ATG16L2: variants seen among roughly 807,000 people sequenced by gnomAD.
ATG16L2 encodes the protein autophagy related 16 like 2, also known as protein Atg16l2.
ATG16L2 carries 77 observed loss-of-function variants against 84.7 expected under a neutral mutation model. That is an observed-to-expected ratio of 0.91 (90% confidence interval 0.76 to 1.10). The LOEUF is 1.10. ATG16L2 is among the 50% of genes least tolerant of loss of function. The probability of loss-of-function intolerance (pLI) is 0.00; values close to 1 mark genes in which losing one functional copy is unlikely to be tolerated. For missense variants in ATG16L2, 782 were observed against 817.6 expected, an observed-to-expected ratio of 0.96 and a Z score of 0.53; for synonymous variants, 361 against 342.8, an observed-to-expected ratio of 1.05 and a Z score of -0.59.
rs781407047 is a variant in ATG16L2, at chr11:72,828,317, G to A, written c.1473-42G>A. On this transcript the variant is annotated intron_variant, in intron 14 of 17. Transcript: ENST00000321297. The stretch of plus-strand genomic sequence containing the variant: ...GCCCCTTCCTGTCAGGAGTGGCCTG[G>A]CTAGGCTGTTCCTCATCCCTGTCTC... 5.6e-6 allele frequency: 9 copies of A among 1,611,250 alleles called. No individual in the cohort carries two copies. In the Admixed American group the frequency reaches 1.5e-4, roughly 27 times the overall value.
intron 2 of ATG16L2, among the ~76,000 whole-genome samples, chr11:72,817,365 C>T (rs1405915329): frequency 5.3e-5 from 8 of 152,034 alleles, no homozygotes; most frequent in Non-Finnish European, 7.4e-5. Flanking sequence ...CCTCCTGGAA[C>T]GTGCACCACC....
intron 13 of ATG16L2, 123 bp from the exon 14 acceptor site, chr11:72,827,065 G>C: frequency 1.1e-6 from 1 of 870,446 alleles, no homozygotes; most frequent in Non-Finnish European, 1.8e-6. Flanking sequence ...CTGGGAAGCG[G>C]AAGACCTGGG....
chr11:72,824,522 T>G, intron 8 of ATG16L2: 1 of 592,282 alleles, frequency 1.7e-6, no homozygotes, highest in Non-Finnish European at 3.0e-6. Context: ...CCTACCCTGC[T>G]CCTGTGTCTG....
At chr11:72,823,411 A>G (rs1350537625) in intron 7 of ATG16L2, 4 of 325,812 alleles carry the variant, frequency 1.2e-5, no homozygotes, top group South Asian at 4.8e-5. Flanking sequence ...ATGTGTGCTC[A>G]CACTTGTGGG....
At chr11:72,829,184 G>A in intron 17 of ATG16L2, 119 bp from the exon 18 acceptor site, 2 of 1,219,614 alleles carry the variant, frequency 1.6e-6, no homozygotes, top group Non-Finnish European at 2.3e-6. Flanking sequence ...TAACTTGACA[G>A]ATGAGGAAAC....
intron 2 of ATG16L2, 48 bp downstream of exon 2, chr11:72,816,875 C>G: frequency 1.3e-6 from 2 of 1,493,388 alleles, no homozygotes; most frequent in Non-Finnish European, 1.9e-6. Flanking sequence ...TGTGCTGGGG[C>G]CCTGCCCCTG....
chr11:72,826,275 G>A lies in ATG16L2; in HGVS notation c.1173+32G>A, dbSNP rs369064624. The A allele has an allele frequency of 1.9e-5, 30 of 1,608,154 alleles. No individual in the cohort carries two copies. The East Asian group carries it at 3.1e-4, about 17-fold the overall frequency. Reference sequence around the variant, plus strand: ...AACTCTGCCCCAGTGGCATGGGATTGTGCCCTCTCTGATCTCCACACTGGG... The same window carrying A: ...AACTCTGCCCCAGTGGCATGGGATTATGCCCTCTCTGATCTCCACACTGGG... On this transcript the variant is annotated intron_variant, in intron 11 of 17. Coordinates refer to ENST00000321297, the MANE Select transcript of ATG16L2 (RefSeq NM_033388.2).
At chr11:72,824,443 TCA>T (rs1253353498) in intron 8 of ATG16L2, 271 of 560,266 alleles carry the variant, frequency 4.8e-4, no homozygotes, top group East Asian at 2.4e-3. Flanking sequence ...TCATTCAGAG[TCA>T]CAGAGCCAAG....
At chr11:72,827,939 A>C (rs56071001) in intron 14 of ATG16L2, among the ~76,000 whole-genome samples, 9,645 of 152,088 alleles carry the variant, frequency 0.063, 453 homozygotes, top group African/African-American at 0.14. Flanking sequence ...CAAAACAAAA[A>C]CAAAACCAAA....
At chr11:72,823,097 C>T in intron 7 of ATG16L2, 136 bp downstream of exon 7, 1 of 631,482 alleles carries the variant, frequency 1.6e-6, no homozygotes, top group South Asian at 2.0e-5. Context: ...GCTCAGATCT[C>T]CCAGGGCTAG....
At chr11:72,816,894 GC>G in intron 2 of ATG16L2, 67 bp downstream of exon 2, 1 of 1,386,622 alleles carries the variant, frequency 7.2e-7, no homozygotes, top group South Asian at 1.2e-5. Flanking sequence ...TGCTGCCTGT[GC>G]TGGGTTCATT....
chr11:72,835,112 T>A (rs1468498106), intron 5 of ATG16L2, among the ~76,000 whole-genome samples: 1 of 152,134 alleles, frequency 6.6e-6, no homozygotes, highest in Non-Finnish European at 1.5e-5. Context: ...GAGACCAAAA[T>A]TTAGCTATGA....
At chr11:72,824,280 C>A in intron 8 of ATG16L2, 158 bp downstream of exon 8, 1 of 829,374 alleles carries the variant, frequency 1.2e-6, no homozygotes, top group Non-Finnish European at 2.0e-6. Flanking sequence ...GGTGAATGGC[C>A]TCAGCCCCGG....
chr11:72,823,959 T>A, intron 7 of ATG16L2, 101 bp from the exon 8 acceptor site: 1 of 1,334,254 alleles, frequency 7.5e-7, no homozygotes, highest in Non-Finnish European at 1.1e-6. Flanking sequence ...ACTTGAGAGG[T>A]TACAAGCCTC....
downstream of ATG16L2, among the ~76,000 whole-genome samples, chr11:72,833,592 C>T (rs1222816881): frequency 6.6e-6 from 1 of 152,098 alleles, no homozygotes; most frequent in African/African-American, 2.4e-5. Flanking sequence ...GAGCCCTGTC[C>T]CTGGGTTCAT....
intron 5 of ATG16L2, among the ~76,000 whole-genome samples, chr11:72,841,118 T>C (rs776156339): frequency 1.3e-5 from 2 of 152,116 alleles, no homozygotes; most frequent in East Asian, 1.9e-4. Context: ...CAGTGAGCTA[T>C]GATCCCACCA....
Position 72,822,998 on chromosome 11 carries a change from G to T in ATG16L2, c.824+37G>T, listed in dbSNP as rs1860104398. 2 of 1,450,472 alleles carry T rather than the reference G, an allele frequency of 1.4e-6. No homozygotes were observed. Among genetic ancestry groups the T allele is most frequent in the Admixed American group, 2.2e-5 (1 of 46,352 alleles). 89.9% of individuals were successfully genotyped at this position (1,450,472 alleles called of 1,614,324 possible). A position where few individuals can be genotyped will look rare whatever the true frequency, so the allele number is the denominator to read the frequency against. On this transcript the variant is annotated intron_variant, in intron 7 of 17. Transcript: ENST00000321297. The surrounding 1 kb of genome is among the most constrained non-coding windows in gnomAD (Gnocchi z 4.2). ...GGTGACAGTCTCAGAGCTCTGAGCT[G>T]AGCCCCACCCCAGAGGCTGCCAGGG...
At chr11:72,834,874 C>T (rs371567047) in intron 5 of ATG16L2, among the ~76,000 whole-genome samples, 9 of 133,490 alleles carry the variant, frequency 6.7e-5, no homozygotes, top group African/African-American at 1.4e-4. Context: ...CGTAAGCCAC[C>T]GTGCCCAGCC....
At chr11:72,817,908 C>T in intron 3 of ATG16L2, 53 bp downstream of exon 3, 1 of 1,481,866 alleles carries the variant, frequency 6.7e-7, no homozygotes. Flanking sequence ...TCCAAGGGAG[C>T]CAGCCAGTGA....
Sources: allele counts gnomAD v4.1 joint callset (sites outside exome capture counted in the v4.1 genomes callset), GRCh38; gene constraint gnomAD v4.1.1; non-coding constraint Gnocchi (gnomAD v3.1); transcripts MANE v1.5; gene names NCBI Gene and HGNC (gene_info 2026-07-23, HGNC 2026-07-21).